Variants in TVP23A observed in about 807,000 individuals in gnomAD.
The protein encoded by TVP23A is trans-golgi network vesicle protein 23 homolog A.
Under a neutral mutation model 31.7 loss-of-function variants are expected in TVP23A, and 21 were observed. That is an observed-to-expected ratio of 0.66 (90% CI 0.47 to 0.95). The LOEUF is 0.95. TVP23A is among the 40% of genes least tolerant of loss of function. TVP23A has a pLI of 0.00. For synonymous variants in TVP23A, 104 were observed against 96.0 expected, an observed-to-expected ratio of 1.08 and a Z score of -0.49; for missense variants, 279 against 255.6, an observed-to-expected ratio of 1.09 and a Z score of -0.62.
At position 10,767,343 on chromosome 16, in the gene TVP23A, G is replaced by A. The variant is rs1052922716; in HGVS notation, c.*1759C>T. On this transcript the variant is annotated 3_prime_UTR_variant, in exon 8 of 8. Transcript: ENST00000299866. This position sits in a 1 kb window ranked among gnomAD's most constrained non-coding sequence, Gnocchi z 4.6. The stretch of plus-strand genomic sequence containing the variant: ...GGGACTGGAACAATGGCCACATGGC[G>A]GGGAAAGACTAGCAGACTGATAGAC... The A allele has an allele frequency of 2.0e-5, 8 of 399,396 alleles. No homozygotes were observed. Among genetic ancestry groups the A allele is most frequent in the African/African-American group, 6.2e-5 (3 of 48,630 alleles). 24.7% of individuals were successfully genotyped at this position (399,396 alleles called of 1,614,324 possible). A position where few individuals can be genotyped will look rare whatever the true frequency, so the allele number is the denominator to read the frequency against.
chr16:10,815,992 C>T (rs185534788), intron 2 of TVP23A, among the ~76,000 whole-genome samples: 3 of 152,144 alleles, frequency 2.0e-5, no homozygotes, highest in East Asian at 3.9e-4. Context: ...GAGGCTGACA[C>T]GGGAAGAGTA....
At position 10,767,894 on chromosome 16, in the gene TVP23A, G is replaced by A. The variant is rs184643867; in HGVS notation, c.*1208C>T. 34 of 1,500,410 alleles carry A rather than the reference G, an allele frequency of 2.3e-5. No individual in the cohort carries two copies. The highest frequency in any genetic ancestry group is 2.0e-4 in the Admixed American group (12 of 59,774). The allele number at this position is 1,500,410 out of a possible 1,614,324, so 92.9% of individuals were successfully genotyped here. Reference sequence around the variant, plus strand: ...CACGGAAAGAGCCCCAAGATCTTGTGGCCATTCTGTTTTCCTCTTGGACTG... The same window carrying A: ...CACGGAAAGAGCCCCAAGATCTTGTAGCCATTCTGTTTTCCTCTTGGACTG... On this transcript the variant is annotated 3_prime_UTR_variant, in exon 8 of 8. Transcript: ENST00000299866. This position sits in a 1 kb window ranked among gnomAD's most constrained non-coding sequence, Gnocchi z 4.6.
chr16:10,809,278 T>C (rs2034085892), intron 2 of TVP23A, among the ~76,000 whole-genome samples: 1 of 152,196 alleles, frequency 6.6e-6, no homozygotes, highest in Admixed American at 6.5e-5. Flanking sequence ...TCAAGGTCAC[T>C]GTGAGTCAAG....
At chr16:10,776,483 T>C (rs1313133759) in intron 2 of TVP23A, among the ~76,000 whole-genome samples, 2 of 152,140 alleles carry the variant, frequency 1.3e-5, no homozygotes, top group Admixed American at 6.5e-5. Context: ...CACTTGTGGG[T>C]TTCTGTTTCT....
chr16:10,810,087 G>A (rs1014290523), intron 2 of TVP23A, among the ~76,000 whole-genome samples: 16 of 152,108 alleles, frequency 1.1e-4, no homozygotes, highest in African/African-American at 2.4e-5. Context: ...CACCTAAACC[G>A]GGATGAACCT....
chr16:10,790,299 T>TTG (rs2033029284), intron 2 of TVP23A, among the ~76,000 whole-genome samples: 2 of 150,058 alleles, frequency 1.3e-5, no homozygotes, highest in Non-Finnish European at 3.0e-5. Flanking sequence ...TTTTTTTTTT[T>TTG]TTTGAGACGG....
intron 2 of TVP23A, among the ~76,000 whole-genome samples, chr16:10,782,052 G>C (rs2032458620): frequency 6.6e-6 from 1 of 151,730 alleles, no homozygotes; most frequent in Non-Finnish European, 1.5e-5. Context: ...AGTAGAGACA[G>C]GGTTTTACCA....
downstream of TVP23A, among the ~76,000 whole-genome samples, chr16:10,759,909 G>A (rs74007539): frequency 0.028 from 4,320 of 152,324 alleles, 220 homozygotes; most frequent in African/African-American, 0.098. The surrounding 1 kb of genome is among the most constrained non-coding windows in gnomAD (Gnocchi z 4.7). Context: ...GCCCAAAGCT[G>A]CGAGCCTTTC....
At chr16:10,761,430 G>A (rs778653318) in exon 9 of TVP23A, 13 of 1,613,982 alleles carry the variant, frequency 8.1e-6, no homozygotes, top group Admixed American at 3.3e-5. Context: ...GCCCATCATC[G>A]GGGTGGTGGA....
chr16:10,791,974 A>C (rs1279157817), intron 2 of TVP23A, among the ~76,000 whole-genome samples: 1 of 152,198 alleles, frequency 6.6e-6, no homozygotes, highest in Non-Finnish European at 1.5e-5. Flanking sequence ...TCGAAAGCCC[A>C]TTTGTGTAAT....
In TVP23A at chr16:10,767,629, C is replaced by T. The variant is rs867589439; in HGVS notation, c.*1473G>A. 4 of 434,044 alleles carry T rather than the reference C, an allele frequency of 9.2e-6. No individual in the cohort carries two copies. Among genetic ancestry groups the T allele is most frequent in the Non-Finnish European group, 1.2e-5 (3 of 246,442 alleles). The allele number at this position is 434,044 out of a possible 1,614,324, so 26.9% of individuals were successfully genotyped here. A position where few individuals can be genotyped will look rare whatever the true frequency, so the allele number is the denominator to read the frequency against. ...TTTTTAACCATGTGCATTCATGATC[C>T]TTTCACTCAAAAGCTAATCTCTTAA... On this transcript the variant is annotated 3_prime_UTR_variant, in exon 8 of 8. Transcript: ENST00000299866. This position sits in a 1 kb window ranked among gnomAD's most constrained non-coding sequence, Gnocchi z 4.6.
intron 3 of TVP23A, 96 bp from the exon 4 acceptor site, chr16:10,774,224 T>G: frequency 1.1e-6 from 1 of 873,032 alleles, no homozygotes; most frequent in Non-Finnish European, 1.7e-6. Flanking sequence ...ATTTCAGACT[T>G]GTACTGGGAG....
intron 2 of TVP23A, among the ~76,000 whole-genome samples, chr16:10,784,634 C>G (rs1410608748): frequency 2.0e-5 from 3 of 151,794 alleles, no homozygotes; most frequent in East Asian, 3.9e-4. Flanking sequence ...AGAGTAAACC[C>G]TGATATAAAC....
At chr16:10,786,742 ATGACTGGGGATGGGCATTGGGAAC>A (rs2032780126) in intron 2 of TVP23A, among the ~76,000 whole-genome samples, 1 of 4,604 alleles carries the variant, frequency 2.2e-4, no homozygotes, top group Non-Finnish European at 6.1e-4. Context: ...GAACCTGGTG[ATGACTGGGGATGGGCATTGGGAAC>A]GTCAGGTTCA....
At chr16:10,784,874 G>A (rs1321694318) in intron 2 of TVP23A, among the ~76,000 whole-genome samples, 2 of 152,140 alleles carry the variant, frequency 1.3e-5, no homozygotes. Context: ...GCCGAGACAA[G>A]TGGATCACCT....
At chr16:10,798,310 C>T (rs900320863) in intron 2 of TVP23A, among the ~76,000 whole-genome samples, 12 of 151,914 alleles carry the variant, frequency 7.9e-5, no homozygotes, top group African/African-American at 2.7e-4. Flanking sequence ...TTTCAAATTA[C>T]AGTTCTGCCA....
chr16:10,814,239 A>G (rs1242094321), intron 2 of TVP23A, among the ~76,000 whole-genome samples: 1 of 152,024 alleles, frequency 6.6e-6, no homozygotes, highest in Non-Finnish European at 1.5e-5. Flanking sequence ...GTGGCTCTCA[A>G]ACATACCCAC....
intron 5 of TVP23A, among the ~76,000 whole-genome samples, 170 bp from the exon 6 acceptor site, chr16:10,771,968 G>A (rs1348436199): frequency 2.0e-5 from 3 of 152,066 alleles, no homozygotes; most frequent in African/African-American, 4.8e-5. Context: ...ACAGGCGTCC[G>A]CCACCAGGCC....
intron 4 of TVP23A, 112 bp from the exon 5 acceptor site, chr16:10,773,553 T>G: frequency 2.2e-6 from 3 of 1,343,696 alleles, no homozygotes; most frequent in Admixed American, 5.1e-5. Flanking sequence ...TGTGGGATTT[T>G]TTGTTGTTGG....
Sources: gnomAD v4.1 joint callset for allele counts (sites outside exome capture counted in the v4.1 genomes callset) on GRCh38, gnomAD v4.1.1 for gene constraint, Gnocchi (gnomAD v3.1) non-coding constraint, MANE v1.5 for transcripts, NCBI Gene and HGNC (gene_info 2026-07-23, HGNC 2026-07-21) for gene names.